Variants in OSBPL9 observed in about 807,000 individuals in gnomAD.
OSBPL9 encodes the protein oxysterol binding protein like 9, also known as oxysterol-binding protein-related protein 9.
A neutral mutation model predicts 106.6 loss-of-function variants in OSBPL9; 40 were observed. The ratio of observed to expected loss-of-function variants is 0.38; its 90% CI spans 0.29 to 0.49. The LOEUF is 0.49. Among genes scored for constraint, OSBPL9 ranks in the 20% least tolerant of loss-of-function variants. The probability of loss-of-function intolerance (pLI) is 0.97; values close to 1 mark genes in which losing one functional copy is unlikely to be tolerated. For missense variants in OSBPL9, 609 were observed against 887.2 expected, an observed-to-expected ratio of 0.69 and a Z score of 3.98; for synonymous variants, 269 against 295.4, an observed-to-expected ratio of 0.91 and a Z score of 0.92.
intron 3 of OSBPL9, among the ~76,000 whole-genome samples, chr1:51,680,406 C>A (rs1461099664): frequency 6.6e-6 from 1 of 152,022 alleles, no homozygotes; most frequent in Non-Finnish European, 1.5e-5. Flanking sequence ...GTAATCCCAG[C>A]ACTTTGCAAG....
chr1:51,576,009 C>G (rs1645181631), upstream of OSBPL9, among the ~76,000 whole-genome samples: 1 of 152,212 alleles, frequency 6.6e-6, no homozygotes, highest in Non-Finnish European at 1.5e-5. Flanking sequence ...TATTCTTTGC[C>G]CATTCACCAC....
chr1:51,631,258 C>A (rs1316635769), intron 1 of OSBPL9, among the ~76,000 whole-genome samples: 2 of 152,154 alleles, frequency 1.3e-5, no homozygotes, highest in Non-Finnish European at 2.9e-5. Flanking sequence ...AAAGGCCAAT[C>A]TGGCTGGGCA....
rs548029566 is a variant in OSBPL9 at position 51,739,931 on chromosome 1, C to T, written c.319-5605C>T. On this transcript the variant is annotated intron_variant, in intron 4 of 23. Coordinates refer to ENST00000428468, the MANE Select transcript of OSBPL9 (RefSeq NM_024586.6). ...GGTAGGGAGACAAGATGTCATTTCT[C>T]TAAAAACTTAATTTGCTAACTTAAA... 2.0e-5 allele frequency among the ~76,000 whole-genome samples: 3 copies of T among 151,964 alleles called. No individual in the cohort carries two copies. In the South Asian group the frequency reaches 6.2e-4, roughly 32 times the overall value.
At chr1:51,781,665 T>G (rs951855490) in intron 16 of OSBPL9, 1 of 216,454 alleles carries the variant, frequency 4.6e-6, no homozygotes, top group South Asian at 8.2e-5. Flanking sequence ...TATAGAAGCA[T>G]GAAGACCATT....
intron 4 of OSBPL9, chr1:51,740,234 T>C (rs1242846577): frequency 6.6e-7 from 1 of 1,507,930 alleles, no homozygotes; most frequent in Admixed American, 2.4e-5. Flanking sequence ...ATTGTAAGTA[T>C]GCTCTATACT....
At chr1:51,678,179 C>T (rs1651736144) in intron 3 of OSBPL9, among the ~76,000 whole-genome samples, 1 of 151,196 alleles carries the variant, frequency 6.6e-6, no homozygotes, top group Non-Finnish European at 1.5e-5. Flanking sequence ...TGAGACCCTG[C>T]CTCAAAAAAA....
chr1:51,698,012 G>T (rs928964378), intron 3 of OSBPL9, among the ~76,000 whole-genome samples: 4 of 151,892 alleles, frequency 2.6e-5, no homozygotes, highest in African/African-American at 9.7e-5. Flanking sequence ...CAGGCATCGT[G>T]GTAAATATTG....
Position 51,598,851 on chromosome 1 carries a change from G to A in OSBPL9, c.-353+658G>A, listed in dbSNP as rs147895545. Among the ~76,000 whole-genome samples, 350 of 152,152 alleles carry A rather than the reference G, an allele frequency of 2.3e-3. 3 individuals carry two copies. Among genetic ancestry groups the A allele is most frequent in the African/African-American group, 8.2e-3 (341 of 41,486 alleles). On this transcript the variant is annotated intron_variant, in intron 2 of 25. Coordinates refer to the OSBPL9 transcript ENST00000371714. ...TCTATTAAGAATACAAAAATTAGCC[G>A]GGCATGGTGGCGCACCCCTGTAATC...
intron 12 of OSBPL9, among the ~76,000 whole-genome samples, chr1:51,770,299 G>A (rs144759906): frequency 0.013 from 1,913 of 152,142 alleles, 38 homozygotes; most frequent in African/African-American, 0.045. Context: ...ATGCCACCAC[G>A]CTCGGCTAAC....
the OSBPL9 span, among the ~76,000 whole-genome samples, chr1:51,544,822 ACTTT>A: frequency 2.0e-5 from 3 of 150,330 alleles, no homozygotes; most frequent in East Asian, 5.8e-4. Flanking sequence ...CAGTAAACTA[ACTTT>A]AAGAGACATG....
At chr1:51,701,801 G>T (rs1657323389) in intron 3 of OSBPL9, among the ~76,000 whole-genome samples, 1 of 151,656 alleles carries the variant, frequency 6.6e-6, no homozygotes, top group Admixed American at 6.6e-5. Flanking sequence ...TCCCCGCTCT[G>T]CCCACCCCAC....
intron 11 of OSBPL9, among the ~76,000 whole-genome samples, chr1:51,762,247 G>A (rs749650034): frequency 6.6e-5 from 10 of 152,010 alleles, no homozygotes; most frequent in South Asian, 2.1e-4. Context: ...GCAGTGGTAC[G>A]ATCAGGGCTC....
chr1:51,602,014 G>A (rs1333392442), intron 2 of OSBPL9, among the ~76,000 whole-genome samples: 1 of 24,746 alleles, frequency 4.0e-5, no homozygotes, highest in Admixed American at 5.1e-4. Flanking sequence ...CCATTCTTGG[G>A]GTTCTTTTTT....
the OSBPL9 span, among the ~76,000 whole-genome samples, chr1:51,528,809 G>A: frequency 6.6e-6 from 1 of 152,228 alleles, no homozygotes; most frequent in African/African-American, 2.4e-5. Flanking sequence ...CCAGGGCAGA[G>A]GTTACAGTGA....
At chr1:51,784,738 T>C (rs1467291226) in intron 20 of OSBPL9, 156 bp downstream of exon 20, 52 of 865,402 alleles carry the variant, frequency 6.0e-5, no homozygotes, top group Non-Finnish European at 8.7e-5. Flanking sequence ...TGAAGTCCCA[T>C]ATCAGAAGAA....
chr1:51,769,979 T>C (rs1285837386), intron 12 of OSBPL9, among the ~76,000 whole-genome samples: 1 of 151,962 alleles, frequency 6.6e-6, no homozygotes, highest in Non-Finnish European at 1.5e-5. Flanking sequence ...ACTTTCATGC[T>C]TTTTTTTGAG....
At chr1:51,518,842 G>A in the OSBPL9 span, among the ~76,000 whole-genome samples, 1 of 151,934 alleles carries the variant, frequency 6.6e-6, no homozygotes, top group South Asian at 2.1e-4. Context: ...GCGGCCCTGT[G>A]GGAGGAAACT....
intron 15 of OSBPL9, 90 bp from the exon 16 acceptor site, chr1:51,781,074 C>A: frequency 7.8e-7 from 1 of 1,275,122 alleles, no homozygotes; most frequent in South Asian, 1.4e-5. Flanking sequence ...TCCTCTCAGC[C>A]TGACTTAGGT....
chr1:51,553,323 C>T, the OSBPL9 span, among the ~76,000 whole-genome samples: 1 of 151,962 alleles, frequency 6.6e-6, no homozygotes, highest in Admixed American at 6.6e-5. Flanking sequence ...CCAGCCTGGA[C>T]AACACGGCAA....
Sources: allele counts gnomAD v4.1 joint callset (sites outside exome capture counted in the v4.1 genomes callset), GRCh38; gene constraint gnomAD v4.1.1; transcripts MANE v1.5; gene names NCBI Gene and HGNC (gene_info 2026-07-23, HGNC 2026-07-21).